Variants in ALK observed in about 807,000 individuals in gnomAD.
ALK encodes the protein ALK receptor tyrosine kinase.
ALK carries 74 observed loss-of-function variants against 163.1 expected under a neutral mutation model. The ratio of observed to expected loss-of-function variants is 0.45; its 90% CI spans 0.38 to 0.55. The LOEUF is 0.55. Ranked by LOEUF, ALK falls within the 20% of genes least tolerant of loss-of-function variation. The pLI is 0.00. For synonymous variants in ALK, 960 were observed against 843.2 expected (o/e 1.14, Z -2.40); for missense variants, 2,063 against 2,105.3 (o/e 0.98, Z 0.39).
At chr2:29,773,389 C>A (rs908342441) in intron 1 of ALK, among the ~76,000 whole-genome samples, 2 of 152,046 alleles carry the variant, frequency 1.3e-5, no homozygotes, top group East Asian at 3.9e-4. Context: ...TTTCAGGGGC[C>A]CTCTGTTCTA....
intron 3 of ALK, among the ~76,000 whole-genome samples, chr2:29,579,553 G>A (rs987746782): frequency 5.9e-5 from 9 of 152,176 alleles, no homozygotes; most frequent in African/African-American, 1.9e-4. Context: ...CCTCCCAGAT[G>A]TCCTCAGCGA....
chr2:29,314,504 T>C (rs1238086783), intron 8 of ALK, among the ~76,000 whole-genome samples: 2 of 152,052 alleles, frequency 1.3e-5, no homozygotes, highest in African/African-American at 4.8e-5. Context: ...TGTGTTTGCG[T>C]GTACATATGT....
chr2:29,835,650 C>T (rs1665539440), intron 1 of ALK, among the ~76,000 whole-genome samples: 3 of 152,178 alleles, frequency 2.0e-5, no homozygotes, highest in Non-Finnish European at 2.9e-5. Flanking sequence ...TGAATGGTAG[C>T]TCGCATAATT....
At chr2:29,409,705 A>G (rs1669682450) in intron 4 of ALK, among the ~76,000 whole-genome samples, 1 of 152,070 alleles carries the variant, frequency 6.6e-6, no homozygotes, top group Admixed American at 6.5e-5. Context: ...ACCGTGGTGC[A>G]GTATTTTTGC....
At chr2:29,647,471 A>G (rs973654254) in intron 3 of ALK, among the ~76,000 whole-genome samples, 1 of 152,082 alleles carries the variant, frequency 6.6e-6, no homozygotes, top group African/African-American at 2.4e-5. Context: ...AACCAGAATG[A>G]TCTATCTCAG....
chr2:29,303,312 T>A (rs1025949145), intron 8 of ALK, among the ~76,000 whole-genome samples: 1 of 151,356 alleles, frequency 6.6e-6, no homozygotes, highest in African/African-American at 2.4e-5. Context: ...ACCAGAGAAA[T>A]GCAAATCAAA....
chr2:29,854,218 T>C (rs1399518380), intron 1 of ALK, among the ~76,000 whole-genome samples: 1 of 148,588 alleles, frequency 6.7e-6, no homozygotes, highest in Non-Finnish European at 1.5e-5. Context: ...TATTTGTATA[T>C]GGATTAATAT....
At chr2:29,431,937 C>T (rs537781910) in intron 4 of ALK, among the ~76,000 whole-genome samples, 1 of 152,120 alleles carries the variant, frequency 6.6e-6, no homozygotes, top group African/African-American at 2.4e-5. Context: ...CCCGTCCCGT[C>T]CCGTCCAGTC....
chr2:29,441,292 A>G (rs1057383581), intron 4 of ALK, among the ~76,000 whole-genome samples: 1 of 152,244 alleles, frequency 6.6e-6, no homozygotes, highest in African/African-American at 2.4e-5. Context: ...CCATTTGGCA[A>G]TCAATCACTT....
At chr2:29,637,826 G>A (rs1262681124) in intron 3 of ALK, among the ~76,000 whole-genome samples, 2 of 151,894 alleles carry the variant, frequency 1.3e-5, no homozygotes, top group Non-Finnish European at 2.9e-5. Flanking sequence ...TACTGTTAGT[G>A]GAAATTGTGT....
At chr2:29,503,325 G>C (rs1573408258) in intron 4 of ALK, among the ~76,000 whole-genome samples, 1 of 152,188 alleles carries the variant, frequency 6.6e-6, no homozygotes, top group Non-Finnish European at 1.5e-5. Flanking sequence ...TTTATATCCA[G>C]GGACTGCTCT....
At position 29,223,341 on chromosome 2, in the gene ALK, C is replaced by A. The variant is rs1669858309; in HGVS notation, c.3359+1G>T. 5 of 1,614,070 alleles carry A rather than the reference C, an allele frequency of 3.1e-6. No individual in the cohort carries two copies. Among genetic ancestry groups the A allele is most frequent in the Non-Finnish European group, 4.2e-6 (5 of 1,180,026 alleles). On this transcript the variant is annotated splice_donor_variant, in intron 20 of 28. Transcript: ENST00000389048. LOFTEE classifies it high-confidence loss of function. ...TCCCAGGACGGCAGCAGGGCGCTCA[C>A]CGAATGAGGGTGATGTTTTTCCGCG...
intron 4 of ALK, among the ~76,000 whole-genome samples, chr2:29,530,228 G>A (rs1013635092): frequency 8.5e-5 from 13 of 152,074 alleles, no homozygotes; most frequent in African/African-American, 3.1e-4. Flanking sequence ...TCTTTTAAAT[G>A]AGAATTGACT....
chr2:29,471,797 A>C (rs970427080), intron 4 of ALK, among the ~76,000 whole-genome samples: 1 of 151,434 alleles, frequency 6.6e-6, no homozygotes, highest in African/African-American at 2.4e-5. Context: ...ACTGAAGTGG[A>C]ATGGCACAAT....
intron 6 of ALK, among the ~76,000 whole-genome samples, chr2:29,325,340 T>C (rs1001308174): frequency 6.6e-6 from 1 of 152,060 alleles, no homozygotes; most frequent in Non-Finnish European, 1.5e-5. Flanking sequence ...CTGGAAACCA[T>C]CCCCCTGAAG....
chr2:29,859,635 A>G (rs867688019), intron 1 of ALK, among the ~76,000 whole-genome samples: 9 of 152,182 alleles, frequency 5.9e-5, no homozygotes, highest in African/African-American at 9.7e-5. Flanking sequence ...AAAAATAAAT[A>G]GAAAAAATCA....
intron 1 of ALK, among the ~76,000 whole-genome samples, chr2:29,770,662 A>T (rs1332419095): frequency 6.6e-6 from 1 of 152,240 alleles, no homozygotes; most frequent in African/African-American, 2.4e-5. Context: ...ATATAAAAAA[A>T]TTATGATAGC....
At chr2:29,792,863 T>G (rs575339275) in intron 1 of ALK, among the ~76,000 whole-genome samples, 1 of 152,330 alleles carries the variant, frequency 6.6e-6, no homozygotes, top group Non-Finnish European at 1.5e-5. Flanking sequence ...ATCTGGGTCT[T>G]TGGTGAGTCA....
intron 1 of ALK, among the ~76,000 whole-genome samples, chr2:29,882,325 A>T (rs2148419178): frequency 6.6e-6 from 1 of 152,330 alleles, no homozygotes; most frequent in Non-Finnish European, 1.5e-5. Flanking sequence ...AATAATAAAA[A>T]CTATGAAGCA....
Sources: allele counts gnomAD v4.1 joint callset (sites outside exome capture counted in the v4.1 genomes callset), GRCh38; gene constraint gnomAD v4.1.1; transcripts MANE v1.5; gene names NCBI Gene and HGNC (gene_info 2026-07-23, HGNC 2026-07-21).